The following SGCZ variants were observed in gnomAD, a reference collection of about 807,000 sequenced individuals.
SGCZ encodes the protein zeta-sarcoglycan.
Under a neutral mutation model 41.3 loss-of-function variants are expected in SGCZ, and 40 were observed. The observed-to-expected ratio is 0.97, with a 90% confidence interval of 0.75 to 1.26. SGCZ has a LOEUF of 1.26. SGCZ is among the 50% of genes most tolerant of loss of function. SGCZ has a pLI of 0.00. For missense variants in SGCZ, 552 were observed against 369.8 expected, an observed-to-expected ratio of 1.49 and a Z score of -4.04; for synonymous variants, 206 against 137.5, an observed-to-expected ratio of 1.50 and a Z score of -3.49.
At chr8:14,893,749 CAGAG>C in intron 1 of SGCZ, among the ~76,000 whole-genome samples, 1 of 152,276 alleles carries the variant, frequency 6.6e-6, no homozygotes, top group South Asian at 2.1e-4. Context: ...ACCAAAGTCA[CAGAG>C]ACTCTTAAAC....
intron 1 of SGCZ, among the ~76,000 whole-genome samples, chr8:15,058,923 T>A (rs1804813403): frequency 6.6e-6 from 1 of 152,164 alleles, no homozygotes; most frequent in Admixed American, 6.5e-5. Context: ...TTACAGATAA[T>A]TAAAACCAGG....
At chr8:14,259,838 T>C (rs1046728070) in intron 3 of SGCZ, among the ~76,000 whole-genome samples, 8 of 151,826 alleles carry the variant, frequency 5.3e-5, no homozygotes, top group African/African-American at 1.7e-4. Context: ...TTTTTTCCAA[T>C]TCTGTGAAGA....
chr8:15,112,566 A>G (rs2116931987), intron 1 of SGCZ, among the ~76,000 whole-genome samples: 1 of 152,332 alleles, frequency 6.6e-6, no homozygotes, highest in South Asian at 2.1e-4. Context: ...TGGAAAAGTA[A>G]TGTGTCCGTT....
intron 2 of SGCZ, among the ~76,000 whole-genome samples, chr8:14,423,874 T>C (rs1156664189): frequency 6.6e-6 from 1 of 152,132 alleles, no homozygotes; most frequent in African/African-American, 2.4e-5. Flanking sequence ...ATTTTTTCCT[T>C]TTTTTCCTTC....
At chr8:14,637,639 A>G (rs572084901) in intron 1 of SGCZ, among the ~76,000 whole-genome samples, 3 of 151,984 alleles carry the variant, frequency 2.0e-5, no homozygotes, top group East Asian at 1.9e-4. Context: ...ATGGTGCTGC[A>G]AAGGACATGA....
intron 1 of SGCZ, among the ~76,000 whole-genome samples, chr8:14,691,886 A>G (rs1389009662): frequency 1.3e-5 from 2 of 152,034 alleles, no homozygotes; most frequent in Non-Finnish European, 2.9e-5. Flanking sequence ...TTGTGAGAAA[A>G]TAAATTACAA....
At position 15,182,455 on chromosome 8, in the gene SGCZ, C is replaced by T. The variant is rs78380047; in HGVS notation, c.39+55130G>A. On this transcript the variant is annotated intron_variant, in intron 1 of 7. Coordinates refer to ENST00000382080, the MANE Select transcript of SGCZ (RefSeq NM_139167.4). ...GAATAAATGGTACAGCCTATTACTC[C>T]TAGGCTACAAACATGTTTAGCATGT... Among the ~76,000 whole-genome samples the T allele has an allele frequency of 3.9e-5, 6 of 152,272 alleles. No homozygotes were observed. In the East Asian group the frequency reaches 1.2e-3, roughly 29 times the overall value.
chr8:14,630,818 C>CAATGAG (rs1453584112), intron 1 of SGCZ, among the ~76,000 whole-genome samples: 1 of 136,914 alleles, frequency 7.3e-6, no homozygotes, highest in Non-Finnish European at 1.5e-5. Context: ...GGGAATTGAA[C>CAATGAG]AATGAGAACA....
At chr8:14,228,218 G>T (rs1490635727) in intron 4 of SGCZ, among the ~76,000 whole-genome samples, 1 of 152,008 alleles carries the variant, frequency 6.6e-6, no homozygotes, top group East Asian at 1.9e-4. Context: ...AATTATATAT[G>T]GAACTCCAAT....
chr8:15,127,058 A>G (rs911390753), intron 1 of SGCZ, among the ~76,000 whole-genome samples: 5 of 152,220 alleles, frequency 3.3e-5, no homozygotes, highest in South Asian at 2.1e-4. Flanking sequence ...TAAGGATTTA[A>G]AAGGATGACA....
chr8:14,560,158 A>G (rs1804164638), intron 1 of SGCZ, among the ~76,000 whole-genome samples: 1 of 152,104 alleles, frequency 6.6e-6, no homozygotes, highest in Non-Finnish European at 1.5e-5. Context: ...TAGGGAAATT[A>G]TAGTTAACAA....
intron 1 of SGCZ, among the ~76,000 whole-genome samples, chr8:14,952,977 G>C (rs75920088): frequency 2.6e-5 from 4 of 152,220 alleles, no homozygotes; most frequent in South Asian, 2.1e-4. Flanking sequence ...TCTCGGGTGG[G>C]TTGGTGGATT....
At chr8:14,970,404 G>C (rs990434278) in intron 1 of SGCZ, among the ~76,000 whole-genome samples, 2 of 151,984 alleles carry the variant, frequency 1.3e-5, no homozygotes, top group Admixed American at 1.3e-4. Context: ...CCTAACTAAG[G>C]CACAGAAGTT....
Position 14,270,735 on chromosome 8 carries a change from C to G in SGCZ, c.337-33056G>C, listed in dbSNP as rs937240443. 2.6e-5 allele frequency among the ~76,000 whole-genome samples: 4 copies of G among 152,084 alleles called. 1 individual carries two copies. Among genetic ancestry groups the G allele is most frequent in the Non-Finnish European group, 5.9e-5 (4 of 68,016 alleles). On this transcript the variant is annotated intron_variant, in intron 3 of 7. Coordinates refer to ENST00000382080, the MANE Select transcript of SGCZ (RefSeq NM_139167.4). The stretch of plus-strand genomic sequence containing the variant: ...TAAACACTATTTCTATACATCATTT[C>G]TTATGAAACTGCGGTATAGTATACA...
intron 1 of SGCZ, among the ~76,000 whole-genome samples, chr8:14,698,487 T>C (rs1294642937): frequency 1.3e-5 from 2 of 152,026 alleles, no homozygotes; most frequent in South Asian, 2.1e-4. Context: ...ATAAAAGCTA[T>C]AAAACACACC....
chr8:14,271,273 T>G (rs1298148921), intron 3 of SGCZ, among the ~76,000 whole-genome samples: 1 of 152,178 alleles, frequency 6.6e-6, no homozygotes, highest in African/African-American at 2.4e-5. Flanking sequence ...GTGAATCGTG[T>G]TCTTTAGAAA....
rs183357613 is a variant in SGCZ at position 14,431,261 on chromosome 8, G to A, written c.235-107057C>T. Among the ~76,000 whole-genome samples, 6 of 152,224 alleles carry A rather than the reference G, an allele frequency of 3.9e-5. No homozygotes were observed. The East Asian group carries it at 1.2e-3, about 29-fold the overall frequency. On this transcript the variant is annotated intron_variant, in intron 2 of 7. Transcript: ENST00000382080. ...AGACTAAAGAAAAAGAACAAAGCTG[G>A]AGGCATCACATTACCTGATTTCAAA...
At chr8:14,820,440 G>A (rs1341523515) in intron 1 of SGCZ, among the ~76,000 whole-genome samples, 1 of 151,862 alleles carries the variant, frequency 6.6e-6, no homozygotes, top group Non-Finnish European at 1.5e-5. Context: ...TTTCATCTAG[G>A]AAAAAAGTCT....
At chr8:14,758,215 C>A (rs1288577813) in intron 1 of SGCZ, among the ~76,000 whole-genome samples, 1 of 152,100 alleles carries the variant, frequency 6.6e-6, no homozygotes, top group Non-Finnish European at 1.5e-5. Context: ...TTTACAAATC[C>A]AGTGTTGTCG....
Sources: gnomAD v4.1 joint callset for allele counts (sites outside exome capture counted in the v4.1 genomes callset) on GRCh38, gnomAD v4.1.1 for gene constraint, MANE v1.5 for transcripts, NCBI Gene and HGNC (gene_info 2026-07-23, HGNC 2026-07-21) for gene names.